The following KLF16 variants were observed in gnomAD, a reference collection of about 807,000 sequenced individuals.
KLF16 encodes KLF transcription factor 16, also known as Krueppel-like factor 16.
KLF16 carries 6 observed loss-of-function variants against 6.1 expected under a neutral mutation model. That is an observed-to-expected ratio of 0.98 (90% CI 0.54 to 1.93). KLF16 has a LOEUF of 1.93. KLF16 is among the 30% of genes most tolerant of loss of function. The pLI, the probability that KLF16 is intolerant of heterozygous loss-of-function variation, is 0.01. For synonymous variants in KLF16, 211 were observed against 176.5 expected, an observed-to-expected ratio of 1.20 and a Z score of -1.55; for missense variants, 355 against 363.8, an observed-to-expected ratio of 0.98 and a Z score of 0.20.
At position 1,854,565 on chromosome 19, in the gene KLF16, C is replaced by A; in HGVS notation, c.653G>T (p.Arg218Leu). 1 of 1,577,448 alleles carries A rather than the reference C, an allele frequency of 6.3e-7. No homozygotes were observed. Among genetic ancestry groups the A allele is most frequent in the Admixed American group, 1.8e-5 (1 of 56,604 alleles). Residue 218 changes from arginine (R) to leucine (L), a missense_variant, in exon 2 of 2, where the codon CGG becomes CTG. Arg to Leu is a moderately radical substitution (Grantham distance 102, BLOSUM62 -2). Coordinates refer to ENST00000250916, the MANE Select transcript of KLF16 (RefSeq NM_031918.4). ...RHPGFHPDLL[R>L]RPGARSTSPS... Reference sequence around the variant, plus strand: ...GGAGGTACTGCGGGCACCAGGGCGCCGGAGCAGGTCCGGGTGGAAGCCGGG... The same window carrying A: ...GGAGGTACTGCGGGCACCAGGGCGCAGGAGCAGGTCCGGGTGGAAGCCGGG...
At chr19:1,872,352 G>A in the KLF16 span, among the ~76,000 whole-genome samples, 7 of 152,166 alleles carry the variant, frequency 4.6e-5, no homozygotes, top group South Asian at 2.1e-4. Context: ...GGCTGGTCTC[G>A]ACCTCCTGAC....
chr19:1,867,345 G>T (rs571225894), upstream of KLF16, among the ~76,000 whole-genome samples: 7 of 152,332 alleles, frequency 4.6e-5, no homozygotes, highest in African/African-American at 1.7e-4. Flanking sequence ...TGAGATGGGA[G>T]GACTGCTTGA....
Position 1,863,126 on chromosome 19 carries a change from GGCGGCGGCGGAGGGC to G in KLF16, c.357_371del (p.Pro120_Ala124del), listed in dbSNP as rs754677835. 16 of 1,346,970 alleles carry G rather than the reference GGCGGCGGCGGAGGGC, an allele frequency of 1.2e-5. No individual in the cohort carries two copies. The African/African-American group carries it at 1.5e-4, about 13-fold the overall frequency. 83.4% of individuals were successfully genotyped at this position (1,346,970 alleles called of 1,614,324 possible). A position where few individuals can be genotyped will look rare whatever the true frequency, so the allele number is the denominator to read the frequency against. On this transcript the variant is annotated inframe_deletion, in exon 1 of 2. Transcript: ENST00000250916. ...CCGGGAAGGGACAGCGGTGGCTCTT[GGCGGCGGCGGAGGGC>G]GCGGCGCCGGGGGCGCGGCCCGAGG...
At chr19:1,867,551 G>A (rs1010624346), upstream of KLF16, among the ~76,000 whole-genome samples, 16 of 152,116 alleles carry the variant, frequency 1.1e-4, no homozygotes, top group African/African-American at 3.9e-4. Flanking sequence ...GGGCAACAGA[G>A]CGAGATCCTG....
intron 1 of KLF16, chr19:1,862,793 C>G: frequency 2.7e-6 from 1 of 367,058 alleles, no homozygotes; most frequent in Non-Finnish European, 4.8e-6. Flanking sequence ...CGCCCGCAGA[C>G]CTCGCTGGGC....
chr19:1,859,044 G>A (rs916984688), intron 1 of KLF16, among the ~76,000 whole-genome samples: 7 of 152,034 alleles, frequency 4.6e-5, no homozygotes, highest in Non-Finnish European at 1.0e-4. Flanking sequence ...GGCTGGAGAG[G>A]CGGTGGGTGG....
At chr19:1,875,549 G>C in the KLF16 span, 3 of 152,170 alleles carry the variant, frequency 2.0e-5, no homozygotes, top group African/African-American at 7.2e-5. Flanking sequence ...ACCCTTTCAG[G>C]CTCCTTGAAT....
chr19:1,865,681 G>A (rs1285108138), upstream of KLF16, among the ~76,000 whole-genome samples: 18 of 152,164 alleles, frequency 1.2e-4, no homozygotes, highest in Non-Finnish European at 1.5e-5. Flanking sequence ...TGCAGGTCAT[G>A]CCAGCCACTC....
intron 1 of KLF16, among the ~76,000 whole-genome samples, chr19:1,855,815 C>T (rs908352647): frequency 5.9e-5 from 9 of 152,252 alleles, no homozygotes; most frequent in African/African-American, 2.2e-4. Flanking sequence ...ATCCCCGAAG[C>T]TCCCACCCTT....
At position 1,854,041 on chromosome 19, in the gene KLF16, T is replaced by C. The variant is rs1284989901; in HGVS notation, c.*418A>G. The C allele has an allele frequency of 5.7e-6, 1 of 174,476 alleles. No individual in the cohort carries two copies. Among genetic ancestry groups the C allele is most frequent in the Admixed American group, 6.4e-5 (1 of 15,704 alleles). The allele number at this position is 174,476 out of a possible 1,614,324, so 10.8% of individuals were successfully genotyped here. On this transcript the variant is annotated 3_prime_UTR_variant, in exon 2 of 2. Coordinates refer to ENST00000250916, the MANE Select transcript of KLF16 (RefSeq NM_031918.4). ...TCAACCCCCGACTCCTCTATGGCTGTCTGAACACTTCATCCCAATCTGCAG... is the reference window on the plus strand; with the variant it reads ...TCAACCCCCGACTCCTCTATGGCTGCCTGAACACTTCATCCCAATCTGCAG...
At chr19:1,855,051 C>T (rs1362181260) in intron 1 of KLF16, among the ~76,000 whole-genome samples, 1 of 152,212 alleles carries the variant, frequency 6.6e-6, no homozygotes, top group Non-Finnish European at 1.5e-5. Flanking sequence ...CGCAGACCCC[C>T]AAGGCTGAAG....
chr19:1,855,811 G>A (rs1362589897), intron 1 of KLF16, among the ~76,000 whole-genome samples: 2 of 152,338 alleles, frequency 1.3e-5, no homozygotes, highest in African/African-American at 2.4e-5. Flanking sequence ...CTGCATCCCC[G>A]AAGCTCCCAC....
chr19:1,860,998 C>T (rs1026791647), intron 1 of KLF16, among the ~76,000 whole-genome samples: 5 of 152,112 alleles, frequency 3.3e-5, no homozygotes, highest in African/African-American at 4.8e-5. Flanking sequence ...CCCTGCCCTC[C>T]CCCACCACAC....
At chr19:1,867,313 T>C (rs2012203292), upstream of KLF16, among the ~76,000 whole-genome samples, 1 of 152,220 alleles carries the variant, frequency 6.6e-6, no homozygotes, top group South Asian at 2.1e-4. Flanking sequence ...CTCACGCCTG[T>C]AACCCCAACA....
chr19:1,869,039 TAAGAGACTC>T, the KLF16 span, among the ~76,000 whole-genome samples: 1 of 147,270 alleles, frequency 6.8e-6, no homozygotes, highest in Admixed American at 6.7e-5. Flanking sequence ...GATAGACTTT[TAAGAGACTC>T]AAGAGACATA....
chr19:1,859,372 C>G (rs757972075), intron 1 of KLF16, among the ~76,000 whole-genome samples: 1 of 152,104 alleles, frequency 6.6e-6, no homozygotes, highest in Non-Finnish European at 1.5e-5. Flanking sequence ...CAACCCAGTG[C>G]GTAGACCAGC....
At chr19:1,867,754 C>T (rs1256172163), upstream of KLF16, among the ~76,000 whole-genome samples, 1 of 152,146 alleles carries the variant, frequency 6.6e-6, no homozygotes, top group Non-Finnish European at 1.5e-5. Context: ...GTAATCCCAG[C>T]TACTCGGGAG....
the KLF16 span, chr19:1,875,163 A>G: frequency 6.6e-6 from 1 of 152,230 alleles, no homozygotes; most frequent in Admixed American, 6.5e-5. Context: ...GCACTTCTGC[A>G]CCAAGGAATT....
chr19:1,854,160 T>A lies in KLF16; in HGVS notation c.*299A>T. 1 of 312,406 alleles carries A rather than the reference T, an allele frequency of 3.2e-6. No individual in the cohort carries two copies. Among genetic ancestry groups the A allele is most frequent in the Non-Finnish European group, 5.8e-6 (1 of 172,592 alleles). 19.4% of individuals were successfully genotyped at this position (312,406 alleles called of 1,614,324 possible). A position where few individuals can be genotyped will look rare whatever the true frequency, so the allele number is the denominator to read the frequency against. On this transcript the variant is annotated 3_prime_UTR_variant, in exon 2 of 2. Transcript: ENST00000250916. ...CCGGGAGGGGGGCAGCAGGGGGTGG[T>A]GGAGAGGAGAGGGGAGGACCTCCTA...
Sources: gnomAD v4.1 joint callset for allele counts (sites outside exome capture counted in the v4.1 genomes callset) on GRCh38, gnomAD v4.1.1 for gene constraint, MANE v1.5 for transcripts, NCBI Gene and HGNC (gene_info 2026-07-23, HGNC 2026-07-21) for gene names.